The following GRM7 variants were observed in gnomAD, a reference collection of about 807,000 sequenced individuals.
GRM7 encodes glutamate metabotropic receptor 7.
In GRM7, 35 loss-of-function variants were observed where a neutral mutation model predicts 84.5. The observed-to-expected ratio is 0.41, with a 90% CI of 0.32 to 0.55. The LOEUF (loss-of-function observed/expected upper bound fraction) is 0.55, where lower values mean the gene tolerates loss of function less well. GRM7 is among the 20% of genes least tolerant of loss of function. The pLI is 0.19. For missense variants in GRM7, 1,003 were observed against 1,194.6 expected (o/e 0.84, Z 2.36); for synonymous variants, 487 against 455.1 (o/e 1.07, Z -0.89).
chr3:7,356,443 A>T (rs1693406897), intron 4 of GRM7, among the ~76,000 whole-genome samples: 1 of 151,890 alleles, frequency 6.6e-6, no homozygotes, highest in Admixed American at 6.6e-5. Context: ...CTGGGATTAC[A>T]GGCATGTGCC....
At chr3:7,597,275 A>G (rs1696095284) in intron 8 of GRM7, among the ~76,000 whole-genome samples, 1 of 152,082 alleles carries the variant, frequency 6.6e-6, no homozygotes, top group African/African-American at 2.4e-5. Flanking sequence ...AGATCTTGTG[A>G]GAACCCACTA....
intron 7 of GRM7, among the ~76,000 whole-genome samples, chr3:7,522,799 G>A (rs1013069172): frequency 5.9e-5 from 9 of 152,238 alleles, no homozygotes; most frequent in Middle Eastern, 3.4e-3. Context: ...AACCCCCAAT[G>A]TATGCTATTT....
chr3:7,345,950 C>T (rs913707102), intron 4 of GRM7, among the ~76,000 whole-genome samples: 3 of 152,046 alleles, frequency 2.0e-5, no homozygotes, highest in African/African-American at 4.8e-5. Context: ...TTAACAATAT[C>T]AATACAGAAA....
chr3:7,085,075 G>C (rs955244203), intron 1 of GRM7, among the ~76,000 whole-genome samples: 1 of 152,138 alleles, frequency 6.6e-6, no homozygotes, highest in Non-Finnish European at 1.5e-5. Flanking sequence ...CTGAGGGGCT[G>C]GGTTGCTTTA....
chr3:6,904,954 C>G (rs1696515567), intron 1 of GRM7, among the ~76,000 whole-genome samples: 1 of 152,052 alleles, frequency 6.6e-6, no homozygotes, highest in South Asian at 2.1e-4. Flanking sequence ...AACTCTTGGC[C>G]TCAATTCTCC....
intron 9 of GRM7, among the ~76,000 whole-genome samples, chr3:7,708,668 G>A (rs1458004383): frequency 6.6e-6 from 1 of 152,114 alleles, no homozygotes; most frequent in East Asian, 1.9e-4. Context: ...GACAGAAAGA[G>A]TTTGAAGGCA....
chr3:7,498,987 A>T (rs750811675), intron 7 of GRM7, among the ~76,000 whole-genome samples: 4 of 152,252 alleles, frequency 2.6e-5, no homozygotes, highest in African/African-American at 9.6e-5. Context: ...AACACTAAAA[A>T]TTGCTGATTT....
intron 7 of GRM7, among the ~76,000 whole-genome samples, chr3:7,560,092 CT>C (rs1445508774): frequency 6.6e-6 from 1 of 152,028 alleles, no homozygotes; most frequent in Non-Finnish European, 1.5e-5. Flanking sequence ...TCCATAATCC[CT>C]ACTATCAGGC....
chr3:7,445,226 G>C (rs1237737046), intron 5 of GRM7, among the ~76,000 whole-genome samples: 1 of 152,138 alleles, frequency 6.6e-6, no homozygotes, highest in Non-Finnish European at 1.5e-5. Context: ...ATTACTTATG[G>C]CTCTAAACTA....
At chr3:7,399,046 G>A (rs1157787401) in intron 4 of GRM7, among the ~76,000 whole-genome samples, 2 of 151,710 alleles carry the variant, frequency 1.3e-5, no homozygotes, top group South Asian at 2.1e-4. Flanking sequence ...TTAATTCCCA[G>A]CATCATAGGC....
intron 7 of GRM7, among the ~76,000 whole-genome samples, chr3:7,565,173 A>G (rs1339676677): frequency 6.6e-6 from 1 of 152,206 alleles, no homozygotes; most frequent in Non-Finnish European, 1.5e-5. Context: ...CATCATTTCT[A>G]ATTACACTTT....
At chr3:7,178,831 A>G (rs1371783531) in intron 2 of GRM7, among the ~76,000 whole-genome samples, 2 of 152,154 alleles carry the variant, frequency 1.3e-5, no homozygotes, top group Non-Finnish European at 2.9e-5. Flanking sequence ...CTGTAATCCC[A>G]GCACTTTGGG....
At chr3:7,174,788 A>G (rs1695092479) in intron 2 of GRM7, among the ~76,000 whole-genome samples, 1 of 152,236 alleles carries the variant, frequency 6.6e-6, no homozygotes, top group African/African-American at 2.4e-5. Context: ...AAGGGTACTG[A>G]TAAAATTCTT....
chr3:7,620,659 T>C (rs2125087803), intron 8 of GRM7, among the ~76,000 whole-genome samples: 1 of 152,292 alleles, frequency 6.6e-6, no homozygotes, highest in Admixed American at 6.5e-5. Flanking sequence ...CCAAAATGAC[T>C]TTTATATGCT....
chr3:7,179,227 T>C (rs1381371421), intron 2 of GRM7, among the ~76,000 whole-genome samples: 1 of 152,226 alleles, frequency 6.6e-6, no homozygotes, highest in Non-Finnish European at 1.5e-5. Flanking sequence ...CCTTGTCTCC[T>C]TGACTCCCTA....
At chr3:7,084,791 G>A (rs1698386893) in intron 1 of GRM7, among the ~76,000 whole-genome samples, 2 of 152,130 alleles carry the variant, frequency 1.3e-5, no homozygotes, top group African/African-American at 4.8e-5. Context: ...TTCGGGAAAT[G>A]AAATTAGAAG....
At chr3:7,324,834 T>C (rs1471665333) in intron 4 of GRM7, among the ~76,000 whole-genome samples, 1 of 152,190 alleles carries the variant, frequency 6.6e-6, no homozygotes, top group African/African-American at 2.4e-5. Context: ...CAGCAAATTC[T>C]CTTGTATCCA....
intron 2 of GRM7, among the ~76,000 whole-genome samples, chr3:7,169,755 TAGG>T (rs1241549336): frequency 6.6e-6 from 1 of 152,120 alleles, no homozygotes; most frequent in East Asian, 1.9e-4. Flanking sequence ...TTTTGATAAA[TAGG>T]AGATAAATAG....
chr3:7,221,466 T>G (rs2124875310), intron 2 of GRM7, among the ~76,000 whole-genome samples: 1 of 152,232 alleles, frequency 6.6e-6, no homozygotes, highest in South Asian at 2.1e-4. Context: ...GTTTTCTACT[T>G]TATTTATATT....
Sources: allele counts gnomAD v4.1 joint callset (sites outside exome capture counted in the v4.1 genomes callset), GRCh38; gene constraint gnomAD v4.1.1; transcripts MANE v1.5; gene names NCBI Gene and HGNC (gene_info 2026-07-23, HGNC 2026-07-21).